The following TANC2 variants were observed in gnomAD, a reference collection of about 807,000 sequenced individuals.
TANC2 encodes the protein tetratricopeptide repeat, ankyrin repeat and coiled-coil containing 2, also known as protein TANC2.
TANC2 carries 26 observed loss-of-function variants against 210.5 expected under a neutral mutation model. The observed-to-expected ratio is 0.12, with a 90% CI of 0.09 to 0.17. The LOEUF is 0.17. TANC2 is among the 10% of genes least tolerant of loss of function. The probability of loss-of-function intolerance (pLI) is 1.00; values close to 1 mark genes in which losing one functional copy is unlikely to be tolerated. For missense variants in TANC2, 2,129 were observed against 2,608.9 expected (o/e 0.82, Z 4.01); for synonymous variants, 931 against 967.1 (o/e 0.96, Z 0.69).
At chr17:63,124,867 ACT>A (rs2038646020) in intron 4 of TANC2, among the ~76,000 whole-genome samples, 1 of 151,818 alleles carries the variant, frequency 6.6e-6, no homozygotes, top group South Asian at 2.1e-4. Flanking sequence ...CCCTTATGAG[ACT>A]CTAACGCCTG....
chr17:63,090,881 C>T (rs925352213), intron 3 of TANC2, among the ~76,000 whole-genome samples: 3 of 152,178 alleles, frequency 2.0e-5, no homozygotes, highest in African/African-American at 7.2e-5. Context: ...TGTTTCCTGA[C>T]TTTTTAATGA....
intron 7 of TANC2, among the ~76,000 whole-genome samples, chr17:63,215,579 A>G (rs1260197918): frequency 6.6e-6 from 1 of 152,186 alleles, no homozygotes; most frequent in Admixed American, 6.5e-5. Flanking sequence ...ATCATGCCTA[A>G]GTAGTGAAAC....
chr17:63,242,590 T>C (rs2042804781), intron 8 of TANC2, among the ~76,000 whole-genome samples: 1 of 152,112 alleles, frequency 6.6e-6, no homozygotes, highest in Admixed American at 6.6e-5. Flanking sequence ...CAAGGGATGA[T>C]TGCATTTAAT....
intron 7 of TANC2, among the ~76,000 whole-genome samples, chr17:63,205,160 G>GA (rs2041659228): frequency 6.6e-6 from 1 of 151,828 alleles, no homozygotes; most frequent in Admixed American, 6.6e-5. Flanking sequence ...TTTTTGACAA[G>GA]CGTCCTAAGA....
intron 13 of TANC2, among the ~76,000 whole-genome samples, chr17:63,353,884 G>C (rs1012196916): frequency 6.6e-6 from 1 of 152,120 alleles, no homozygotes; most frequent in African/African-American, 2.4e-5. Context: ...GAAAGTTACT[G>C]ATGCCCTTGA....
At chr17:63,375,037 G>A (rs1463359133) in intron 14 of TANC2, among the ~76,000 whole-genome samples, 1 of 152,150 alleles carries the variant, frequency 6.6e-6, no homozygotes, top group Non-Finnish European at 1.5e-5. Flanking sequence ...ATGGTTTTGA[G>A]GGAAAGCTCC....
At chr17:63,332,962 T>G (rs1247479488) in intron 11 of TANC2, among the ~76,000 whole-genome samples, 1 of 152,198 alleles carries the variant, frequency 6.6e-6, no homozygotes, top group African/African-American at 2.4e-5. Flanking sequence ...ACTATTGAGA[T>G]CTACACAGAA....
At chr17:63,275,374 T>C (rs2043840918) in intron 9 of TANC2, among the ~76,000 whole-genome samples, 1 of 152,168 alleles carries the variant, frequency 6.6e-6, no homozygotes, top group African/African-American at 2.4e-5. Flanking sequence ...ATTGGCAGAA[T>C]TTATGTGAAA....
At chr17:63,129,104 C>G (rs2038822345) in intron 4 of TANC2, among the ~76,000 whole-genome samples, 1 of 152,084 alleles carries the variant, frequency 6.6e-6, no homozygotes, top group South Asian at 2.1e-4. Flanking sequence ...CAGGGATCCT[C>G]CCACCTCAGC....
rs59132639 is a variant in TANC2 at position 63,063,531 on chromosome 17, CGTGTGTGT to C, written c.68-10375_68-10368del. Among the ~76,000 whole-genome samples, 75 of 108,220 alleles carry C rather than the reference CGTGTGTGT, an allele frequency of 6.9e-4. No individual in the cohort carries two copies. The East Asian group carries it at 0.011, about 16-fold the overall frequency. 71.0% of individuals were successfully genotyped at this position (108,220 alleles called of 152,430 possible). ...CCTGTGTCAGAAACTGGGACAAAGACGTGTGTGTGTGTGTGTGTGTGTGTGTGTGTGTG... is the reference window on the plus strand; with the variant it reads ...CCTGTGTCAGAAACTGGGACAAAGACGTGTGTGTGTGTGTGTGTGTGTGTG... On this transcript the variant is annotated intron_variant, in intron 2 of 27. Transcript: ENST00000689528.
chr17:63,335,943 AAAAT>A (rs2046012160), intron 11 of TANC2, among the ~76,000 whole-genome samples: 1 of 152,144 alleles, frequency 6.6e-6, no homozygotes, highest in African/African-American at 2.4e-5. Context: ...AAAAAATTAA[AAAAT>A]AAATAAAAGT....
At chr17:63,132,407 C>A (rs1213182534) in intron 4 of TANC2, among the ~76,000 whole-genome samples, 1 of 152,140 alleles carries the variant, frequency 6.6e-6, no homozygotes, top group Non-Finnish European at 1.5e-5. Context: ...CACCCTCTTG[C>A]TACCATACAA....
At chr17:63,267,979 A>G in intron 9 of TANC2, 106 bp downstream of exon 9, 2 of 1,274,942 alleles carry the variant, frequency 1.6e-6, no homozygotes, top group Non-Finnish European at 2.1e-6. Flanking sequence ...AAACCTCCCT[A>G]AGAAGTGAAA....
chr17:63,225,105 C>T (rs1598644409), intron 7 of TANC2, among the ~76,000 whole-genome samples: 1 of 152,182 alleles, frequency 6.6e-6, no homozygotes, highest in East Asian at 1.9e-4. Context: ...TTCTTAATTT[C>T]ATCTCCCTCT....
rs188922447 is a variant in TANC2 at position 63,318,910 on chromosome 17, A to G, written c.1442-47A>G. ...ATGGAATTTAGCCATTTTTCCTTAAAGTTTTTATGATTATCTGATGCAAAC... is the reference window on the plus strand; with the variant it reads ...ATGGAATTTAGCCATTTTTCCTTAAGGTTTTTATGATTATCTGATGCAAAC... On this transcript the variant is annotated intron_variant, in intron 10 of 27. Transcript: ENST00000689528. 9 of 1,607,668 alleles carry G rather than the reference A, an allele frequency of 5.6e-6. No homozygotes were observed. The East Asian group carries it at 1.6e-4, about 28-fold the overall frequency.
In TANC2 at chr17:63,244,711, G is replaced by A. The variant is rs190962778; in HGVS notation, c.1033+6634G>A. Among the ~76,000 whole-genome samples, 453 of 152,202 alleles carry A rather than the reference G, an allele frequency of 3.0e-3. 1 individual carries two copies. The highest frequency in any genetic ancestry group is 0.01 in the African/African-American group (422 of 41,508). ...TTTGTAAACCGCCGATTTCTTTAGC[G>A]TATTGTCTCTGATATGATTTGGCTG... On this transcript the variant is annotated intron_variant, in intron 8 of 27. Transcript: ENST00000689528.
At chr17:63,066,729 A>G (rs2036212675) in intron 2 of TANC2, among the ~76,000 whole-genome samples, 1 of 152,182 alleles carries the variant, frequency 6.6e-6, no homozygotes. Context: ...GCCATTCTTT[A>G]GATTATTAAT....
chr17:63,036,215 A>C (rs1177144402), intron 2 of TANC2, among the ~76,000 whole-genome samples: 4 of 144,812 alleles, frequency 2.8e-5, no homozygotes. Context: ...TTGGCTAATC[A>C]CAAGTCATAA....
chr17:63,135,784 C>T (rs961050356), intron 4 of TANC2, among the ~76,000 whole-genome samples: 3 of 152,104 alleles, frequency 2.0e-5, no homozygotes, highest in African/African-American at 7.2e-5. Context: ...GCAGTAATCA[C>T]GTATTAGCCA....
Sources: gnomAD v4.1 joint callset for allele counts (sites outside exome capture counted in the v4.1 genomes callset) on GRCh38, gnomAD v4.1.1 for gene constraint, MANE v1.5 for transcripts, NCBI Gene and HGNC (gene_info 2026-07-23, HGNC 2026-07-21) for gene names.